The following UHRF1 variants were observed in gnomAD, a reference collection of about 807,000 sequenced individuals.
UHRF1 encodes E3 ubiquitin-protein ligase UHRF1.
In UHRF1, 9 loss-of-function variants were observed where a neutral mutation model predicts 96.5. The observed-to-expected ratio is 0.09, with a 90% confidence interval of 0.06 to 0.16. The LOEUF (loss-of-function observed/expected upper bound fraction) is 0.16. Among genes scored for constraint, UHRF1 ranks in the 10% least tolerant of loss-of-function variants. The pLI is 1.00. For missense variants in UHRF1, 626 were observed against 1,131.1 expected, an observed-to-expected ratio of 0.55 and a Z score of 6.40; for synonymous variants, 455 against 469.9, an observed-to-expected ratio of 0.97 and a Z score of 0.41.
chr19:4,918,967 C>G (rs566118039), intron 2 of UHRF1, among the ~76,000 whole-genome samples: 1 of 151,542 alleles, frequency 6.6e-6, no homozygotes, highest in South Asian at 2.1e-4. Context: ...AATGATCCTT[C>G]TGCCTCAGCT....
At chr19:4,923,851 A>G (rs2032781458) in intron 2 of UHRF1, among the ~76,000 whole-genome samples, 1 of 152,230 alleles carries the variant, frequency 6.6e-6, no homozygotes, top group Non-Finnish European at 1.5e-5. Flanking sequence ...TGGCAAGAGC[A>G]GTGTGCCTGG....
chr19:4,920,064 G>A (rs1411385287), intron 2 of UHRF1, among the ~76,000 whole-genome samples: 2 of 152,104 alleles, frequency 1.3e-5, no homozygotes, highest in Non-Finnish European at 2.9e-5. Flanking sequence ...TGATCCGTCC[G>A]CCTTGGCCTC....
Position 4,929,422 on chromosome 19 carries a change from C to A in UHRF1, c.354C>A (p.Asp118Glu), listed in dbSNP as rs770780037. ...ACGGTGAGGCGGCCGCCGAGACTGA[C>A]AGCAGGCCAGCCGATGAGGACATGT... Reference protein sequence around the residue: ...STHGEAAAETDSRPADEDMWD... With the variant: ...STHGEAAAETESRPADEDMWD... The change falls in exon 3 of 17, where the codon GAC becomes GAA. Residue 118 changes from aspartate (D) to glutamate (E), a missense_variant. Asp to Glu is a conservative substitution (Grantham distance 45). Transcript: ENST00000650932. The A allele has an allele frequency of 5.0e-6, 8 of 1,613,796 alleles. No homozygotes were observed. Among genetic ancestry groups the A allele is most frequent in the Non-Finnish European group, 5.1e-6 (6 of 1,179,878 alleles).
At chr19:4,926,023 G>A (rs1267696544) in intron 2 of UHRF1, among the ~76,000 whole-genome samples, 2 of 151,920 alleles carry the variant, frequency 1.3e-5, no homozygotes, top group African/African-American at 4.8e-5. Context: ...TCAGCCTCCC[G>A]AGTAGCTGGG....
intron 13 of UHRF1, among the ~76,000 whole-genome samples, chr19:4,953,243 T>TC (rs756224788): frequency 2.0e-5 from 3 of 151,690 alleles, no homozygotes; most frequent in African/African-American, 4.8e-5. Context: ...TGCACAGGCG[T>TC]CCCCCCCTTA....
At chr19:4,947,031 T>C (rs532160267) in intron 10 of UHRF1, 74 bp from the exon 11 acceptor site, 1 of 1,174,928 alleles carries the variant, frequency 8.5e-7, no homozygotes, top group Non-Finnish European at 1.2e-6. Flanking sequence ...TCCTGGGGAG[T>C]TTGCTTTCAA....
At chr19:4,949,477 C>G (rs1320342892) in intron 11 of UHRF1, among the ~76,000 whole-genome samples, 1 of 98,750 alleles carries the variant, frequency 1.0e-5, no homozygotes, top group East Asian at 1.3e-3. Context: ...CACATAGACA[C>G]ACACACACAC....
chr19:4,939,199 T>G (rs2033310266), intron 5 of UHRF1, among the ~76,000 whole-genome samples: 2 of 149,590 alleles, frequency 1.3e-5, no homozygotes, highest in African/African-American at 4.9e-5. Flanking sequence ...ATTACAGGCA[T>G]GAGCCACTGC....
chr19:4,953,106 T>G (rs1320260224), intron 13 of UHRF1, among the ~76,000 whole-genome samples: 1 of 152,178 alleles, frequency 6.6e-6, no homozygotes, highest in African/African-American at 2.4e-5. Flanking sequence ...TAAATGCGCT[T>G]ACCCCGACCC....
At chr19:4,949,123 A>G (rs1049990324) in intron 11 of UHRF1, among the ~76,000 whole-genome samples, 71 of 33,784 alleles carry the variant, frequency 2.1e-3, no homozygotes, top group African/African-American at 4.3e-3. Context: ...TGACAGAGCA[A>G]AAAAAAAAAA....
intron 2 of UHRF1, among the ~76,000 whole-genome samples, chr19:4,924,974 G>A (rs758950974): frequency 1.3e-5 from 2 of 151,604 alleles, no homozygotes; most frequent in African/African-American, 4.9e-5. Context: ...CTACAGGCGC[G>A]TGCCACCACG....
intron 2 of UHRF1, among the ~76,000 whole-genome samples, chr19:4,923,823 G>T (rs1057139651): frequency 6.6e-6 from 1 of 152,216 alleles, no homozygotes; most frequent in Non-Finnish European, 1.5e-5. Flanking sequence ...AGAGTGATCA[G>T]ACCCCAAATG....
rs1375153962 is a variant in UHRF1 at position 4,914,511 on chromosome 19, C to T, written c.153+3473C>T. 3.9e-5 allele frequency among the ~76,000 whole-genome samples: 6 copies of T among 151,964 alleles called. No individual in the cohort carries two copies. In the East Asian group the frequency reaches 5.8e-4, roughly 15 times the overall value. On this transcript the variant is annotated intron_variant, in intron 2 of 16. Transcript: ENST00000650932. Reference sequence around the variant, plus strand: ...GTCTGTCTCGGAATATGGAGGATCTCGTGGTGGTCTCACTTGGGCTGAATA... The same window carrying T: ...GTCTGTCTCGGAATATGGAGGATCTTGTGGTGGTCTCACTTGGGCTGAATA...
intron 13 of UHRF1, among the ~76,000 whole-genome samples, chr19:4,953,084 G>A (rs2033761446): frequency 6.6e-6 from 1 of 152,120 alleles, no homozygotes. Flanking sequence ...CGTCACCCGC[G>A]TTCGCTCACA....
chr19:4,953,337 G>T (rs1443291863), intron 13 of UHRF1, among the ~76,000 whole-genome samples: 2 of 152,126 alleles, frequency 1.3e-5, no homozygotes, highest in Non-Finnish European at 2.9e-5. Context: ...TTTTCCATAC[G>T]TTTGGACTGG....
intron 16 of UHRF1, among the ~76,000 whole-genome samples, chr19:4,958,824 A>G (rs541107132): frequency 6.6e-6 from 1 of 152,014 alleles, no homozygotes; most frequent in South Asian, 2.1e-4. Context: ...ATTAAAACAA[A>G]ATTAGCTGGG....
chr19:4,948,234 G>A (rs2033625054), intron 11 of UHRF1, among the ~76,000 whole-genome samples: 1 of 152,094 alleles, frequency 6.6e-6, no homozygotes, highest in South Asian at 2.1e-4. Flanking sequence ...AAGTGAGTGA[G>A]CATGGCTGTG....
At chr19:4,905,668 C>T (rs974618843), upstream of UHRF1, among the ~76,000 whole-genome samples, 1 of 152,068 alleles carries the variant, frequency 6.6e-6, no homozygotes, top group Non-Finnish European at 1.5e-5. Context: ...TAGGCACGTG[C>T]CACCACATCT....
chr19:4,931,918 G>A (rs1568417538), intron 4 of UHRF1, among the ~76,000 whole-genome samples: 1 of 152,016 alleles, frequency 6.6e-6, no homozygotes, highest in Non-Finnish European at 1.5e-5. Context: ...GCACCACTGC[G>A]CCCAGCTAAT....
Sources: allele counts gnomAD v4.1 joint callset (sites outside exome capture counted in the v4.1 genomes callset), GRCh38; gene constraint gnomAD v4.1.1; transcripts MANE v1.5; gene names NCBI Gene and HGNC (gene_info 2026-07-23, HGNC 2026-07-21).